The following AP3B1 variants were observed in gnomAD, a reference collection of about 807,000 sequenced individuals.
AP3B1 encodes adaptor related protein complex 3 subunit beta 1, also known as AP-3 complex subunit beta-1.
AP3B1 carries 61 observed loss-of-function variants against 132.5 expected under a neutral mutation model. The ratio of observed to expected loss-of-function variants is 0.46; its 90% confidence interval spans 0.37 to 0.57. AP3B1 has a LOEUF of 0.57. Among genes scored for constraint, AP3B1 ranks in the 20% least tolerant of loss-of-function variants. The pLI, the probability that AP3B1 is intolerant of heterozygous loss-of-function variation, is 0.00. For synonymous variants in AP3B1, 388 were observed against 438.3 expected, an observed-to-expected ratio of 0.89 and a Z score of 1.43; for missense variants, 1,120 against 1,289.4, an observed-to-expected ratio of 0.87 and a Z score of 2.01.
At chr5:78,001,324 T>C (rs969356167), downstream of AP3B1, 3 of 152,232 alleles carry the variant, frequency 2.0e-5, no homozygotes, top group African/African-American at 4.8e-5. Flanking sequence ...ATAAGGCTAA[T>C]ATGGAAATGC....
At chr5:78,204,868 T>C (rs1745441413) in intron 7 of AP3B1, among the ~76,000 whole-genome samples, 1 of 152,196 alleles carries the variant, frequency 6.6e-6, no homozygotes, top group Admixed American at 6.5e-5. Context: ...TCTTAAATGT[T>C]TGAATGGTTG....
chr5:78,165,632 GAT>G lies in AP3B1; in HGVS notation c.1206_1207del (p.Ser403AsnfsTer15), dbSNP rs1743583345. On this transcript the variant is annotated frameshift_variant, in exon 12 of 27. Transcript: ENST00000255194. LOFTEE classifies it high-confidence loss of function. ...AACCTGAAATTCTCGAAGAAGAGTTGATATGTTGGCTTCATTTGCCAAGTTTG... is the reference window on the plus strand; with the variant it reads ...AACCTGAAATTCTCGAAGAAGAGTTGATGTTGGCTTCATTTGCCAAGTTTG... 2 of 1,609,408 alleles carry G rather than the reference GAT, an allele frequency of 1.2e-6. No individual in the cohort carries two copies. The highest frequency in any genetic ancestry group is 1.3e-5 in the African/African-American group (1 of 74,848).
At chr5:78,172,000 G>A (rs35611929) in intron 11 of AP3B1, among the ~76,000 whole-genome samples, 35,428 of 152,128 alleles carry the variant, frequency 0.23, 5,300 homozygotes, top group South Asian at 0.36. Flanking sequence ...AGATAATCAT[G>A]TGGTTTTTGT....
intron 21 of AP3B1, among the ~76,000 whole-genome samples, chr5:78,097,120 C>T (rs1253189050): frequency 8.0e-6 from 1 of 125,652 alleles, no homozygotes; most frequent in Non-Finnish European, 1.6e-5. Flanking sequence ...AGGGGGTCAG[C>T]CCCCCACCCG....
At chr5:78,135,319 A>G (rs1375511473) in intron 15 of AP3B1, among the ~76,000 whole-genome samples, 1 of 152,232 alleles carries the variant, frequency 6.6e-6, no homozygotes, top group East Asian at 1.9e-4. Context: ...TATTAAGCAA[A>G]AAAAGTTGCA....
Position 78,091,417 on chromosome 5 carries a change from G to C in AP3B1, c.2471-1918C>G, listed in dbSNP as rs573691923. On this transcript the variant is annotated intron_variant, in intron 21 of 26. Transcript: ENST00000255194. ...GGAGGTTGGATGGGGAGGGAGTGGA[G>C]CTCTTGGTCTTCCCTACGCTCACTT... Among the ~76,000 whole-genome samples, 110 of 152,218 alleles carry C rather than the reference G, an allele frequency of 7.2e-4. No individual in the cohort carries two copies. In the South Asian group the frequency reaches 7.3e-3, roughly 10 times the overall value.
intron 1 of AP3B1, among the ~76,000 whole-genome samples, chr5:78,282,340 C>T (rs770547238): frequency 4.0e-4 from 61 of 151,190 alleles, no homozygotes; most frequent in Middle Eastern, 3.4e-3. Flanking sequence ...TCAAGAACAG[C>T]TTCAAAGCCA....
intron 1 of AP3B1, among the ~76,000 whole-genome samples, chr5:78,272,565 A>G (rs998934211): frequency 7.9e-5 from 12 of 152,220 alleles, no homozygotes; most frequent in Admixed American, 2.0e-4. Flanking sequence ...TTGCCCTCAT[A>G]GGGATTTCAT....
chr5:78,063,300 G>A (rs1257137580), intron 22 of AP3B1, among the ~76,000 whole-genome samples: 1 of 152,140 alleles, frequency 6.6e-6, no homozygotes, highest in Non-Finnish European at 1.5e-5. Context: ...GGTGCTTATA[G>A]TTTTGCATAT....
At chr5:78,185,208 T>C (rs566944204) in intron 7 of AP3B1, among the ~76,000 whole-genome samples, 13 of 152,244 alleles carry the variant, frequency 8.5e-5, no homozygotes, top group Middle Eastern at 3.4e-3. Flanking sequence ...CCTGAAAGAA[T>C]GGCTAAAGGA....
At chr5:78,234,430 C>T (rs768217831) in intron 3 of AP3B1, among the ~76,000 whole-genome samples, 13 of 152,064 alleles carry the variant, frequency 8.5e-5, no homozygotes, top group African/African-American at 2.2e-4. Flanking sequence ...GTTTTAGAAG[C>T]GCTTCTCTAA....
intron 2 of AP3B1, among the ~76,000 whole-genome samples, chr5:78,242,094 C>T (rs1747162689): frequency 6.6e-6 from 1 of 152,220 alleles, no homozygotes; most frequent in African/African-American, 2.4e-5. Flanking sequence ...CTACTTTGCA[C>T]ATGTCAGCCC....
chr5:78,230,280 T>C (rs1580518040), intron 3 of AP3B1, among the ~76,000 whole-genome samples: 1 of 152,324 alleles, frequency 6.6e-6, no homozygotes, highest in East Asian at 1.9e-4. Context: ...TTAAGATAAT[T>C]TGAGATGATA....
At chr5:78,071,111 A>G (rs200653742) in intron 22 of AP3B1, among the ~76,000 whole-genome samples, 66 of 152,364 alleles carry the variant, frequency 4.3e-4, no homozygotes, top group Non-Finnish European at 3.5e-4. Context: ...ATGCACACAT[A>G]TGTTCATTGC....
Position 78,097,626 on chromosome 5 carries a change from C to T in AP3B1, c.2470+3327G>A, listed in dbSNP as rs557839061. Among the ~76,000 whole-genome samples the T allele has an allele frequency of 9.1e-5, 13 of 143,440 alleles. 1 individual carries two copies. The highest frequency in any genetic ancestry group is 5.0e-4 in the Admixed American group (7 of 14,034). The allele number at this position is 143,440 out of a possible 152,430, so 94.1% of individuals were successfully genotyped here. On this transcript the variant is annotated intron_variant, in intron 21 of 26. Coordinates refer to ENST00000255194, the MANE Select transcript of AP3B1 (RefSeq NM_003664.5). ...GAGGTGGGGGGGTCAGCCCCCTGCC[C>T]GGCCAGCCGCCCCGTCCGGGAGGGA...
At chr5:78,163,495 T>C (rs1348243872) in intron 12 of AP3B1, among the ~76,000 whole-genome samples, 1 of 151,780 alleles carries the variant, frequency 6.6e-6, no homozygotes, top group Non-Finnish European at 1.5e-5. Context: ...CTTCAAATAC[T>C]CAGTTTATAA....
intron 2 of AP3B1, among the ~76,000 whole-genome samples, chr5:78,265,062 T>A (rs1006108538): frequency 6.6e-6 from 1 of 152,232 alleles, no homozygotes; most frequent in African/African-American, 2.4e-5. Flanking sequence ...TCTTTTACTG[T>A]CAGTTATAAA....
chr5:78,161,977 T>C (rs1162236270), intron 13 of AP3B1, among the ~76,000 whole-genome samples: 1 of 152,108 alleles, frequency 6.6e-6, no homozygotes. Flanking sequence ...GGCTGCTATA[T>C]CATATATGCC....
chr5:78,016,573 C>G (rs1746862895), intron 25 of AP3B1, among the ~76,000 whole-genome samples: 1 of 151,974 alleles, frequency 6.6e-6, no homozygotes, highest in Admixed American at 6.6e-5. Flanking sequence ...TTCATGTTTT[C>G]AAAAGACTCT....
Sources: allele counts gnomAD v4.1 joint callset (sites outside exome capture counted in the v4.1 genomes callset), GRCh38; gene constraint gnomAD v4.1.1; transcripts MANE v1.5; gene names NCBI Gene and HGNC (gene_info 2026-07-23, HGNC 2026-07-21).